The following KIZ variants were observed in gnomAD, a reference collection of about 807,000 sequenced individuals.
KIZ encodes kizuna centrosomal protein.
KIZ carries 68 observed loss-of-function variants against 79.6 expected under a neutral mutation model. That is an observed-to-expected ratio of 0.85 (90% confidence interval 0.70 to 1.05). The LOEUF (loss-of-function observed/expected upper bound fraction) is 1.05. KIZ is among the 50% of genes least tolerant of loss of function. The pLI is 0.00. For synonymous variants in KIZ, 280 were observed against 281.8 expected, an observed-to-expected ratio of 0.99 and a Z score of 0.06; for missense variants, 797 against 800.4, an observed-to-expected ratio of 1.00 and a Z score of 0.05.
chr20:21,242,554 G>A (rs1308322325), intron 11 of KIZ, among the ~76,000 whole-genome samples: 1 of 151,558 alleles, frequency 6.6e-6, no homozygotes, highest in African/African-American at 2.4e-5. Flanking sequence ...TATTGCAGGG[G>A]GGTCGAGAGG....
At chr20:21,198,143 A>G (rs2035430059) in intron 6 of KIZ, 1 of 152,156 alleles carries the variant, frequency 6.6e-6, no homozygotes, top group Admixed American at 6.5e-5. Context: ...GCTCACTGCA[A>G]GCTCCGCCTC....
In KIZ at chr20:21,128,772, C is replaced by T. The variant is rs182862847; in HGVS notation, c.89+2568C>T. Among the ~76,000 whole-genome samples, 407 of 152,210 alleles carry T rather than the reference C, an allele frequency of 2.7e-3. 3 individuals are homozygous for T. The highest frequency in any genetic ancestry group is 9.6e-3 in the African/African-American group (397 of 41,534). The stretch of plus-strand genomic sequence containing the variant: ...ACAAAAACATCCTTTTAAAAGGGCC[C>T]ATTAGCCAGCCGCGGTTTTTTCAGT... On this transcript the variant is annotated intron_variant, in intron 1 of 12. Coordinates refer to ENST00000619189, the MANE Select transcript of KIZ (RefSeq NM_018474.6).
At chr20:21,204,105 GTTTTTTTTTTTTT>G (rs71330816) in intron 6 of KIZ, among the ~76,000 whole-genome samples, 4 of 74,998 alleles carry the variant, frequency 5.3e-5, no homozygotes, top group South Asian at 4.7e-4. Context: ...AGTCATCTAT[GTTTTTTTTTTTTT>G]TTTTTTTTTT....
At chr20:21,149,034 A>G (rs191841679) in intron 4 of KIZ, 6 of 152,372 alleles carry the variant, frequency 3.9e-5, no homozygotes, top group Non-Finnish European at 2.9e-5. Context: ...CTTTATGTGT[A>G]TCAACTCATT....
At chr20:21,189,496 C>G (rs1462966840) in intron 6 of KIZ, among the ~76,000 whole-genome samples, 3 of 152,102 alleles carry the variant, frequency 2.0e-5, no homozygotes, top group Non-Finnish European at 4.4e-5. Flanking sequence ...ATGGAAATAC[C>G]TATTAAAAAT....
chr20:21,158,935 G>A (rs2033519401), intron 4 of KIZ, among the ~76,000 whole-genome samples: 1 of 151,614 alleles, frequency 6.6e-6, no homozygotes, highest in Admixed American at 6.6e-5. Context: ...TGGGACCACA[G>A]GTGTGTGCCA....
intron 6 of KIZ, among the ~76,000 whole-genome samples, chr20:21,186,954 A>C (rs192233222): frequency 1.3e-5 from 2 of 152,260 alleles, no homozygotes; most frequent in East Asian, 3.9e-4. Flanking sequence ...TTGATTCAGC[A>C]TCTTCAGTTT....
At chr20:21,180,540 G>C (rs1408248863) in intron 6 of KIZ, among the ~76,000 whole-genome samples, 3 of 152,034 alleles carry the variant, frequency 2.0e-5, no homozygotes, top group African/African-American at 7.3e-5. Context: ...ATCCTACTAC[G>C]GGTGTAGCAA....
At chr20:21,166,164 T>TTTTCCTTG in intron 6 of KIZ, 1 of 926,894 alleles carries the variant, frequency 1.1e-6, no homozygotes, top group Non-Finnish European at 1.6e-6. Context: ...TTTTTTTTTT[T>TTTTCCTTG]GTCCATGAGG....
intron 6 of KIZ, among the ~76,000 whole-genome samples, chr20:21,186,638 A>G (rs1215489827): frequency 1.3e-5 from 2 of 151,104 alleles, no homozygotes; most frequent in Non-Finnish European, 2.9e-5. Flanking sequence ...TCTCAAAATT[A>G]TAAAGAGTAA....
chr20:21,153,811 ATC>A (rs2033236506), intron 4 of KIZ, among the ~76,000 whole-genome samples: 2 of 152,024 alleles, frequency 1.3e-5, no homozygotes, highest in African/African-American at 4.8e-5. Context: ...GATCATTGGT[ATC>A]TCTTCCTCTT....
At chr20:21,239,749 G>A (rs1367771360) in intron 11 of KIZ, among the ~76,000 whole-genome samples, 6 of 152,208 alleles carry the variant, frequency 3.9e-5, no homozygotes, top group Admixed American at 6.5e-5. Context: ...CTGACTCCAC[G>A]TATAGAGTGT....
intron 7 of KIZ, among the ~76,000 whole-genome samples, chr20:21,206,842 G>C (rs886938311): frequency 6.6e-6 from 1 of 152,124 alleles, no homozygotes; most frequent in Non-Finnish European, 1.5e-5. Flanking sequence ...GGTGCCAAGA[G>C]AGAATTCGAA....
intron 3 of KIZ, among the ~76,000 whole-genome samples, chr20:21,139,872 G>A (rs2032417883): frequency 6.6e-6 from 1 of 152,080 alleles, no homozygotes; most frequent in Non-Finnish European, 1.5e-5. Flanking sequence ...TTTTGGATAA[G>A]GAATGCCTTT....
intron 6 of KIZ, among the ~76,000 whole-genome samples, chr20:21,185,851 A>G (rs2034856339): frequency 6.6e-6 from 1 of 151,954 alleles, no homozygotes; most frequent in Non-Finnish European, 1.5e-5. Flanking sequence ...AACTGGGACT[A>G]CAGACGTGTG....
Position 21,229,078 on chromosome 20 carries a change from G to T in KIZ, c.1746G>T (p.Arg582Ser), listed in dbSNP as rs1287314132. 6.2e-7 allele frequency: 1 copy of T among 1,612,054 alleles called. No individual in the cohort carries two copies. Among genetic ancestry groups the T allele is most frequent in the Middle Eastern group, 1.7e-4 (1 of 6,056 alleles). ...LQDNTNQTEN[R>S]FQKTDASVSH... ...ATAATACAAATCAAACTGAAAACAG[G>T]TTTCAAAAGACAGATGCTTCTGTGT... The change falls in exon 10 of 13, where the codon AGG (arginine) becomes AGT (serine). Residue 582 changes from arginine (R) to serine (S), a missense_variant. Coordinates refer to ENST00000619189, the MANE Select transcript of KIZ (RefSeq NM_018474.6).
intron 11 of KIZ, among the ~76,000 whole-genome samples, chr20:21,242,741 C>T (rs889630964): frequency 1.3e-5 from 2 of 152,066 alleles, no homozygotes; most frequent in African/African-American, 4.8e-5. Context: ...CCCTGCTGCC[C>T]CACCCCGCCA....
upstream of KIZ, chr20:21,126,074 G>T (rs570353034): frequency 1.5e-6 from 2 of 1,356,924 alleles, no homozygotes; most frequent in African/African-American, 4.3e-5. Flanking sequence ...CCGGCCGAAC[G>T]GCCACCCAGA....
chr20:21,134,664 T>G (rs1032001506), intron 2 of KIZ, among the ~76,000 whole-genome samples: 3 of 150,968 alleles, frequency 2.0e-5, no homozygotes, highest in East Asian at 1.9e-4. Context: ...TTTCAGGTTT[T>G]TTTTTTTTTT....
Sources: allele counts gnomAD v4.1 joint callset (sites outside exome capture counted in the v4.1 genomes callset), GRCh38; gene constraint gnomAD v4.1.1; transcripts MANE v1.5; gene names NCBI Gene and HGNC (gene_info 2026-07-23, HGNC 2026-07-21).